The following DNM3 variants were observed in gnomAD, a reference collection of about 807,000 sequenced individuals.
The protein encoded by DNM3 is dynamin 3.
In DNM3, 47 loss-of-function variants were observed where a neutral mutation model predicts 101.6. The ratio of observed to expected loss-of-function variants is 0.46; its 90% CI spans 0.37 to 0.59. DNM3 has a LOEUF of 0.59. DNM3 is among the 20% of genes least tolerant of loss of function. The pLI is 0.00. For synonymous variants in DNM3, 385 were observed against 387.9 expected (o/e 0.99, Z 0.09); for missense variants, 849 against 1,085.7 (o/e 0.78, Z 3.06).
rs1241920146 is a variant in DNM3, at chr1:172,076,961, G to T, written c.1423-4871G>T. Among the ~76,000 whole-genome samples, 3 of 152,120 alleles carry T rather than the reference G, an allele frequency of 2.0e-5. No individual in the cohort carries two copies. The East Asian group carries it at 5.8e-4, about 29-fold the overall frequency. The stretch of plus-strand genomic sequence containing the variant: ...ATCTGGTCCTGGGCTTTTTTTGGTT[G>T]GTAGGCTATTAATGACTGCCTCAAT... On this transcript the variant is annotated intron_variant, in intron 11 of 20. Transcript: ENST00000627582.
chr1:172,204,295 ATTTG>A (rs36084239), intron 14 of DNM3, among the ~76,000 whole-genome samples: 88,934 of 151,652 alleles, frequency 0.59, 28,939 homozygotes, highest in African/African-American at 0.88. Flanking sequence ...GCAGTGCATT[ATTTG>A]TTTGTTCTCA....
intron 8 of DNM3, among the ~76,000 whole-genome samples, chr1:172,043,807 C>T (rs778214912): frequency 2.6e-5 from 4 of 152,164 alleles, no homozygotes; most frequent in Non-Finnish European, 4.4e-5. Context: ...GCTATCCCTT[C>T]GAGGTCTAAG....
intron 13 of DNM3, among the ~76,000 whole-genome samples, chr1:172,097,347 C>T (rs900178438): frequency 6.6e-6 from 1 of 151,784 alleles, no homozygotes. Flanking sequence ...TTGCAGTGAG[C>T]CAAGATCACA....
intron 17 of DNM3, among the ~76,000 whole-genome samples, chr1:172,370,767 A>T (rs369380141): frequency 5.3e-5 from 8 of 152,048 alleles, no homozygotes; most frequent in Admixed American, 3.3e-4. Context: ...CTAACTCCAT[A>T]CCATATCATT....
chr1:172,208,019 T>C (rs1313867092), intron 14 of DNM3, among the ~76,000 whole-genome samples: 1 of 152,080 alleles, frequency 6.6e-6, no homozygotes, highest in Non-Finnish European at 1.5e-5. Context: ...TATAGCTTTA[T>C]GTAGAAAGTG....
chr1:171,894,693 G>A (rs528333355), intron 1 of DNM3, among the ~76,000 whole-genome samples: 18 of 152,254 alleles, frequency 1.2e-4, no homozygotes, highest in South Asian at 4.1e-4. Flanking sequence ...CCATCAACTC[G>A]TCATTTACAT....
At chr1:172,342,752 CAT>C (rs1229137374) in intron 17 of DNM3, among the ~76,000 whole-genome samples, 1 of 152,136 alleles carries the variant, frequency 6.6e-6, no homozygotes, top group African/African-American at 2.4e-5. Flanking sequence ...AAAAAGTAAA[CAT>C]GTTGTAGAAG....
intron 2 of DNM3, among the ~76,000 whole-genome samples, chr1:171,978,509 T>C (rs1178928077): frequency 6.6e-6 from 1 of 152,106 alleles, no homozygotes; most frequent in Non-Finnish European, 1.5e-5. Context: ...GAGGTAGTGA[T>C]AGAGATGGCA....
At chr1:172,100,050 G>C (rs1275975434) in intron 13 of DNM3, among the ~76,000 whole-genome samples, 2 of 152,126 alleles carry the variant, frequency 1.3e-5, no homozygotes, top group African/African-American at 2.4e-5. Context: ...TAACTGGAAA[G>C]ACTTTTTCTT....
At chr1:172,051,870 G>C (rs985526263) in intron 10 of DNM3, among the ~76,000 whole-genome samples, 2 of 152,144 alleles carry the variant, frequency 1.3e-5, no homozygotes, top group East Asian at 3.8e-4. Context: ...CTCCAGGACT[G>C]CTAAAATTTA....
At chr1:172,048,524 G>A (rs527585323) in intron 9 of DNM3, 88 bp from the exon 10 acceptor site, 426 of 1,407,828 alleles carry the variant, frequency 3.0e-4, no homozygotes, top group Non-Finnish European at 3.9e-4. Flanking sequence ...TAATTTAAAT[G>A]GAATGTTAAT....
intron 14 of DNM3, among the ~76,000 whole-genome samples, chr1:172,135,980 A>G (rs1209346028): frequency 1.3e-5 from 2 of 152,064 alleles, no homozygotes; most frequent in African/African-American, 2.4e-5. Flanking sequence ...TATTTATTCT[A>G]TTTCTATAGC....
intron 2 of DNM3, among the ~76,000 whole-genome samples, chr1:171,965,650 GC>G (rs1190483126): frequency 6.6e-6 from 1 of 152,070 alleles, no homozygotes; most frequent in East Asian, 1.9e-4. Context: ...AGGGTCTGAA[GC>G]ATGAGCGCTT....
chr1:172,034,512 A>G (rs903869446), intron 6 of DNM3, among the ~76,000 whole-genome samples: 6 of 152,122 alleles, frequency 3.9e-5, no homozygotes, highest in Admixed American at 3.3e-4. Flanking sequence ...TGGAAAAACA[A>G]AAGGAGGTGG....
At chr1:172,190,236 C>A (rs1361128719) in intron 14 of DNM3, among the ~76,000 whole-genome samples, 3 of 152,046 alleles carry the variant, frequency 2.0e-5, no homozygotes, top group African/African-American at 7.2e-5. Flanking sequence ...TTGTTCAATT[C>A]CCACCTATGA....
chr1:172,159,229 C>G (rs1186794350), intron 14 of DNM3, among the ~76,000 whole-genome samples: 3 of 152,018 alleles, frequency 2.0e-5, no homozygotes, highest in Non-Finnish European at 4.4e-5. Context: ...TGGAAAAGAA[C>G]AAGCATTACC....
intron 3 of DNM3, among the ~76,000 whole-genome samples, chr1:171,988,107 C>CT (rs1422627609): frequency 1.3e-5 from 2 of 152,090 alleles, no homozygotes; most frequent in African/African-American, 4.8e-5. Context: ...TTGCTGAAAT[C>CT]TTAGAGGTAC....
chr1:171,906,231 G>A (rs536281625), intron 1 of DNM3, among the ~76,000 whole-genome samples: 3 of 151,050 alleles, frequency 2.0e-5, no homozygotes, highest in Admixed American at 6.6e-5. Context: ...GGGCTCAAGC[G>A]ATTCTCCCAT....
chr1:172,306,945 A>G (rs1236324342), intron 15 of DNM3, among the ~76,000 whole-genome samples: 1 of 152,220 alleles, frequency 6.6e-6, no homozygotes, highest in African/African-American at 2.4e-5. Context: ...CCTAGGCAAT[A>G]CCATTCAGGA....
Sources: gnomAD v4.1 joint callset for allele counts (sites outside exome capture counted in the v4.1 genomes callset) on GRCh38, gnomAD v4.1.1 for gene constraint, MANE v1.5 for transcripts, NCBI Gene and HGNC (gene_info 2026-07-23, HGNC 2026-07-21) for gene names.